GTF2H1: variants seen among roughly 807,000 people sequenced by gnomAD.
GTF2H1 encodes the protein BTF2 p62.
Under a neutral mutation model 71.2 loss-of-function variants are expected in GTF2H1, and 16 were observed. That is an observed-to-expected ratio of 0.22 (90% CI 0.15 to 0.34). The LOEUF is 0.34. Ranked by LOEUF, GTF2H1 falls within the 10% of genes least tolerant of loss-of-function variation. The probability of loss-of-function intolerance (pLI) is 1.00; values close to 1 mark genes in which losing one functional copy is unlikely to be tolerated. For synonymous variants in GTF2H1, 215 were observed against 219.0 expected (o/e 0.98, Z 0.16); for missense variants, 498 against 648.2 (o/e 0.77, Z 2.52).
At chr11:18,355,547 C>T (rs1288294603) in intron 11 of GTF2H1, among the ~76,000 whole-genome samples, 1 of 151,924 alleles carries the variant, frequency 6.6e-6, no homozygotes, top group Non-Finnish European at 1.5e-5. Context: ...ACTTTGTCCC[C>T]CAGGCTGGAG....
At chr11:18,364,151 T>C (rs1590202205) in intron 14 of GTF2H1, among the ~76,000 whole-genome samples, 1 of 152,226 alleles carries the variant, frequency 6.6e-6, no homozygotes, top group East Asian at 1.9e-4. Context: ...CAATTGATAA[T>C]ATAGATACTG....
rs1332428105 is a variant in GTF2H1 at position 18,345,783 on chromosome 11, C to G, written c.838-1805C>G. On this transcript the variant is annotated intron_variant, in intron 7 of 14. Coordinates refer to ENST00000265963, the MANE Select transcript of GTF2H1 (RefSeq NM_005316.4). The stretch of plus-strand genomic sequence containing the variant: ...GGATTACAGGCGTGAGCCACCACAC[C>G]CAGCACATATGAGTTTTTTTTTTTT... Among the ~76,000 whole-genome samples, 4 of 122,732 alleles carry G rather than the reference C, an allele frequency of 3.3e-5. 1 individual carries two copies. The highest frequency in any genetic ancestry group is 6.8e-5 in the Non-Finnish European group (4 of 58,762). The allele number at this position is 122,732 out of a possible 152,430, so 80.5% of individuals were successfully genotyped here. A position where few individuals can be genotyped will look rare whatever the true frequency, so the allele number is the denominator to read the frequency against.
At chr11:18,347,990 G>A (rs766005410) in intron 9 of GTF2H1, 71 bp downstream of exon 9, 21 of 947,100 alleles carry the variant, frequency 2.2e-5, no homozygotes, top group Non-Finnish European at 2.8e-5. Flanking sequence ...TGCAAGTACT[G>A]TATACGCTTA....
intron 13 of GTF2H1, among the ~76,000 whole-genome samples, chr11:18,359,430 CAGA>C (rs1287795872): frequency 2.0e-5 from 3 of 152,120 alleles, no homozygotes; most frequent in African/African-American, 7.2e-5. Flanking sequence ...TACTAATTTG[CAGA>C]AGAACAAAAA....
rs1352969099 is a variant in GTF2H1 at position 18,333,114 on chromosome 11, A to G, written c.40A>G (p.Lys14Glu). ...TGAAGAAGTTTTGCTGATTGTAAAG[A>G]AAGTGCGTCAAAAGAAGCAGGATGG... ...SSEEVLLIVKKVRQKKQDGAL... is the reference protein window; with the variant it reads ...SSEEVLLIVKEVRQKKQDGAL... Residue 14 changes from lysine (K) to glutamate (E), a missense_variant, in exon 2 of 15, where the codon AAA becomes GAA. Transcript: ENST00000265963. 6.2e-7 allele frequency: 1 copy of G among 1,612,748 alleles called. No homozygotes were observed. The highest frequency in any genetic ancestry group is 1.3e-5 in the African/African-American group (1 of 75,008).
chr11:18,347,577 A>G lies in GTF2H1; in HGVS notation c.838-11A>G, dbSNP rs187932704. On this transcript the variant is annotated splice_polypyrimidine_tract_variant and intron_variant, in intron 7 of 14. Transcript: ENST00000265963. ...CTTTTTAAAAAATTTTTAATCTATTATTTCTCACAGGGCTATGGCATTTCC... is the reference window on the plus strand; with the variant it reads ...CTTTTTAAAAAATTTTTAATCTATTGTTTCTCACAGGGCTATGGCATTTCC... 9.8e-5 allele frequency: 154 copies of G among 1,565,392 alleles called. No individual in the cohort carries two copies. In the African/African-American group the frequency reaches 1.8e-3, roughly 19 times the overall value.
At position 18,338,896 on chromosome 11, in the gene GTF2H1, ATACT is replaced by A. The variant is rs549204978; in HGVS notation, c.513+628_513+631del. 5.1e-4 allele frequency among the ~76,000 whole-genome samples: 77 copies of A among 152,300 alleles called. 1 individual carries two copies. Among genetic ancestry groups the A allele is most frequent in the African/African-American group, 1.8e-3 (74 of 41,562 alleles). On this transcript the variant is annotated intron_variant, in intron 4 of 14. Transcript: ENST00000265963. ...AATGACTCTTTCAGAGTTTGGACTA[ATACT>A]TACTTTTTCAAATATTTTCAAATGT...
intron 3 of GTF2H1, 139 bp downstream of exon 3, chr11:18,336,085 T>C (rs1865021777): frequency 3.6e-6 from 2 of 559,950 alleles, no homozygotes; most frequent in African/African-American, 5.0e-5. Flanking sequence ...TGTTTTTGTT[T>C]TGTTTGTTTG....
chr11:18,360,552 T>G, intron 13 of GTF2H1, 63 bp from the exon 14 acceptor site: 1 of 757,216 alleles, frequency 1.3e-6, no homozygotes, highest in African/African-American at 1.8e-5. Flanking sequence ...TAGAAGATTG[T>G]TTTTCTGTTG....
chr11:18,357,007 G>A (rs1310576813), intron 11 of GTF2H1, among the ~76,000 whole-genome samples: 1 of 151,910 alleles, frequency 6.6e-6, no homozygotes, highest in East Asian at 1.9e-4. Flanking sequence ...TGCCCAGGCT[G>A]GTATCTGACA....
chr11:18,359,804 G>A (rs117227447), intron 13 of GTF2H1, among the ~76,000 whole-genome samples: 2,878 of 151,824 alleles, frequency 0.019, 36 homozygotes, highest in Non-Finnish European at 0.031. Context: ...GCTACCTTCT[G>A]GGCTGAGGTG....
intron 7 of GTF2H1, among the ~76,000 whole-genome samples, chr11:18,343,945 T>G (rs1350466763): frequency 6.6e-6 from 1 of 152,156 alleles, no homozygotes; most frequent in Middle Eastern, 3.2e-3. Context: ...GCAATCTGCC[T>G]TAGGCTCCTG....
chr11:18,353,355 A>G (rs1228444230), intron 11 of GTF2H1, among the ~76,000 whole-genome samples: 3 of 152,200 alleles, frequency 2.0e-5, no homozygotes, highest in African/African-American at 7.2e-5. Flanking sequence ...AAAACTCTTT[A>G]TAGTCTGGCC....
chr11:18,362,090 A>G (rs1208534254), intron 14 of GTF2H1, among the ~76,000 whole-genome samples: 1 of 152,214 alleles, frequency 6.6e-6, no homozygotes, highest in Non-Finnish European at 1.5e-5. Flanking sequence ...AGTGTACTTA[A>G]AACCTAGCTA....
intron 14 of GTF2H1, among the ~76,000 whole-genome samples, chr11:18,361,376 T>G (rs148293292): frequency 2.6e-5 from 4 of 152,014 alleles, no homozygotes; most frequent in Non-Finnish European, 4.4e-5. Flanking sequence ...TAGAAAAGTT[T>G]TACAATCTGG....
chr11:18,354,664 A>T (rs529067956), intron 11 of GTF2H1, among the ~76,000 whole-genome samples: 31 of 152,228 alleles, frequency 2.0e-4, no homozygotes, highest in African/African-American at 7.2e-4. Context: ...TTAAATGATG[A>T]TTTTCTAATT....
chr11:18,350,326 G>C (rs1865395259), intron 9 of GTF2H1, among the ~76,000 whole-genome samples: 1 of 152,144 alleles, frequency 6.6e-6, no homozygotes, highest in South Asian at 2.1e-4. Context: ...GTAGGGACAT[G>C]TCATAGGTAA....
intron 9 of GTF2H1, chr11:18,348,180 A>G (rs1865342033): frequency 1.2e-5 from 6 of 484,850 alleles, no homozygotes; most frequent in East Asian, 3.2e-5. Flanking sequence ...ATGTACACAT[A>G]CATACAGATT....
intron 7 of GTF2H1, among the ~76,000 whole-genome samples, chr11:18,342,529 TG>T (rs1252926630): frequency 6.6e-6 from 1 of 152,028 alleles, no homozygotes; most frequent in African/African-American, 2.4e-5. Flanking sequence ...CCCAAAGTGC[TG>T]GGATTACAGT....
Sources: allele counts gnomAD v4.1 joint callset (sites outside exome capture counted in the v4.1 genomes callset), GRCh38; gene constraint gnomAD v4.1.1; transcripts MANE v1.5; gene names NCBI Gene and HGNC (gene_info 2026-07-23, HGNC 2026-07-21).